The following LRMDA variants were observed in gnomAD, a reference collection of about 807,000 sequenced individuals.
LRMDA encodes leucine rich melanocyte differentiation associated.
Under a neutral mutation model 29.8 loss-of-function variants are expected in LRMDA, and 18 were observed. The observed-to-expected ratio is 0.60, with a 90% CI of 0.42 to 0.90. The LOEUF (loss-of-function observed/expected upper bound fraction) is 0.90. LRMDA is among the 40% of genes least tolerant of loss of function. LRMDA has a pLI of 0.00. For synonymous variants in LRMDA, 125 were observed against 109.4 expected, an observed-to-expected ratio of 1.14 and a Z score of -0.89; for missense variants, 273 against 273.9, an observed-to-expected ratio of 1.00 and a Z score of 0.02.
At chr10:76,426,531 A>G (rs1015978657) in intron 6 of LRMDA, among the ~76,000 whole-genome samples, 2 of 151,796 alleles carry the variant, frequency 1.3e-5, no homozygotes, top group Non-Finnish European at 2.9e-5. Context: ...GATTGCAAAA[A>G]TTTTCTCCCA....
chr10:75,783,990 T>C (rs559084306), intron 2 of LRMDA, among the ~76,000 whole-genome samples: 124 of 152,294 alleles, frequency 8.1e-4, no homozygotes, highest in African/African-American at 2.8e-3. Context: ...CAATACCTAA[T>C]TGCCGAATAC....
chr10:75,965,234 C>T (rs1846837629), intron 2 of LRMDA, among the ~76,000 whole-genome samples: 1 of 152,114 alleles, frequency 6.6e-6, no homozygotes. Context: ...GCACCTGGTA[C>T]CTAACAAGCT....
chr10:75,702,624 C>T (rs920284760), intron 2 of LRMDA, among the ~76,000 whole-genome samples: 2 of 152,116 alleles, frequency 1.3e-5, no homozygotes, highest in African/African-American at 4.8e-5. Flanking sequence ...AAAAAAACCC[C>T]ACAAATATTC....
chr10:76,202,428 C>T (rs992208315), intron 5 of LRMDA, among the ~76,000 whole-genome samples: 1 of 152,158 alleles, frequency 6.6e-6, no homozygotes, highest in Non-Finnish European at 1.5e-5. Flanking sequence ...TTAGTCAGGG[C>T]TTTTCTGACT....
Position 76,370,212 on chromosome 10 carries a change from A to G in LRMDA, c.601+45727A>G, listed in dbSNP as rs1349445013. Among the ~76,000 whole-genome samples, 4 of 151,968 alleles carry G rather than the reference A, an allele frequency of 2.6e-5. No homozygotes were observed. In the South Asian group the frequency reaches 6.2e-4, roughly 24 times the overall value. On this transcript the variant is annotated intron_variant, in intron 6 of 6. Transcript: ENST00000611255. ...TATTTGCTTTAGTGTAATCAAAGAGACCCTCCCCCTAAAATTATATAAGGG... is the reference window on the plus strand; with the variant it reads ...TATTTGCTTTAGTGTAATCAAAGAGGCCCTCCCCCTAAAATTATATAAGGG...
intron 5 of LRMDA, among the ~76,000 whole-genome samples, chr10:76,095,191 G>A (rs760575032): frequency 6.6e-6 from 1 of 152,142 alleles, no homozygotes; most frequent in Non-Finnish European, 1.5e-5. Context: ...TTCTATTTCT[G>A]ATCCTAAAAT....
chr10:75,509,330 A>G (rs565384673), intron 2 of LRMDA, among the ~76,000 whole-genome samples: 1 of 152,380 alleles, frequency 6.6e-6, no homozygotes, highest in South Asian at 2.1e-4. Flanking sequence ...GGAAAAAGAA[A>G]AAAATAAGCA....
At chr10:76,297,649 C>T (rs1840427970) in intron 5 of LRMDA, among the ~76,000 whole-genome samples, 1 of 152,028 alleles carries the variant, frequency 6.6e-6, no homozygotes, top group South Asian at 2.1e-4. Flanking sequence ...TGTCATTCTT[C>T]CTGGAAAGTA....
At chr10:76,476,445 A>G (rs1842672562) in intron 6 of LRMDA, among the ~76,000 whole-genome samples, 1 of 152,172 alleles carries the variant, frequency 6.6e-6, no homozygotes, top group South Asian at 2.1e-4. Flanking sequence ...AACCAGACGG[A>G]TTCACAGCCG....
chr10:76,480,803 A>G (rs1237256545), intron 6 of LRMDA, among the ~76,000 whole-genome samples: 2 of 151,970 alleles, frequency 1.3e-5, no homozygotes, highest in Non-Finnish European at 2.9e-5. Context: ...TCCTCTTTCA[A>G]AAGGACTTCA....
intron 2 of LRMDA, among the ~76,000 whole-genome samples, chr10:75,545,228 C>T (rs770067253): frequency 2.1e-4 from 32 of 152,106 alleles, no homozygotes; most frequent in Non-Finnish European, 4.0e-4. Context: ...TTGTTTAGCA[C>T]TATGACATAT....
chr10:75,931,505 T>C (rs1180375389), intron 2 of LRMDA, among the ~76,000 whole-genome samples: 1 of 152,204 alleles, frequency 6.6e-6, no homozygotes, highest in Non-Finnish European at 1.5e-5. Context: ...ATGATGATAG[T>C]AATAGACATC....
chr10:76,204,189 C>T (rs1851490911), intron 5 of LRMDA, among the ~76,000 whole-genome samples: 1 of 150,932 alleles, frequency 6.6e-6, no homozygotes, highest in South Asian at 2.1e-4. Context: ...GCCCATCTAC[C>T]CATCTCTATT....
At chr10:75,640,794 C>G (rs1025806576) in intron 2 of LRMDA, among the ~76,000 whole-genome samples, 9 of 152,092 alleles carry the variant, frequency 5.9e-5, no homozygotes, top group African/African-American at 1.9e-4. Context: ...CAAAACAAAA[C>G]AAAACAAAAA....
intron 2 of LRMDA, among the ~76,000 whole-genome samples, chr10:75,883,676 G>A (rs1173877292): frequency 1.3e-5 from 2 of 151,990 alleles, no homozygotes; most frequent in Admixed American, 1.3e-4. Flanking sequence ...CATTTACAAG[G>A]TATGTGTCAG....
intron 6 of LRMDA, among the ~76,000 whole-genome samples, chr10:76,542,642 A>G (rs1461187664): frequency 6.6e-6 from 1 of 152,222 alleles, no homozygotes; most frequent in Admixed American, 6.5e-5. Context: ...TTTGCACAAC[A>G]TTATTACCTT....
At chr10:75,558,597 T>A (rs1370260182) in intron 2 of LRMDA, among the ~76,000 whole-genome samples, 7 of 150,948 alleles carry the variant, frequency 4.6e-5, no homozygotes, top group Non-Finnish European at 1.0e-4. Context: ...TAGTTACATA[T>A]GTATACATGT....
Position 76,550,156 on chromosome 10 carries a change from A to T in LRMDA, c.602-7053A>T, listed in dbSNP as rs185984365. Among the ~76,000 whole-genome samples, 347 of 152,370 alleles carry T rather than the reference A, an allele frequency of 2.3e-3. 1 individual carries two copies. The highest frequency in any genetic ancestry group is 8.0e-3 in the African/African-American group (332 of 41,586). ...TAAAATAGAAATGAAAATGTTAAAA[A>T]TAGAAATGGTTTTTTGTATTTAAAA... On this transcript the variant is annotated intron_variant, in intron 6 of 6. Transcript: ENST00000611255.
chr10:75,589,705 A>G (rs1380494571), intron 2 of LRMDA, among the ~76,000 whole-genome samples: 1 of 152,038 alleles, frequency 6.6e-6, no homozygotes, highest in African/African-American at 2.4e-5. Flanking sequence ...CAGAGGTTGC[A>G]GTGAGCTGAG....
Sources: allele counts gnomAD v4.1 joint callset (sites outside exome capture counted in the v4.1 genomes callset), GRCh38; gene constraint gnomAD v4.1.1; transcripts MANE v1.5; gene names NCBI Gene and HGNC (gene_info 2026-07-23, HGNC 2026-07-21).